Variants in SNX29 observed in about 807,000 individuals in gnomAD.
SNX29 encodes the protein sorting nexin 29.
A neutral mutation model predicts 102.1 loss-of-function variants in SNX29; 78 were observed. The observed-to-expected ratio is 0.76, with a 90% CI of 0.64 to 0.92. The LOEUF is 0.92. Ranked by LOEUF, SNX29 falls within the 40% of genes least tolerant of loss-of-function variation. SNX29 has a pLI of 0.00. For missense variants in SNX29, 1,280 were observed against 1,061.7 expected (o/e 1.21, Z -2.86); for synonymous variants, 580 against 414.5 (o/e 1.40, Z -4.85).
At chr16:12,568,197 C>T (rs1345836065) in intron 20 of SNX29, among the ~76,000 whole-genome samples, 1 of 151,738 alleles carries the variant, frequency 6.6e-6, no homozygotes, top group Non-Finnish European at 1.5e-5. Context: ...GGGAAGAAAG[C>T]TGTGCCTAGA....
chr16:12,473,189 G>T (rs1055751141), intron 18 of SNX29, among the ~76,000 whole-genome samples: 4 of 152,230 alleles, frequency 2.6e-5, no homozygotes, highest in Non-Finnish European at 5.9e-5. Flanking sequence ...ATTTAGTTAA[G>T]TATATGTAAT....
intron 19 of SNX29, among the ~76,000 whole-genome samples, chr16:12,511,810 T>C (rs2089634006): frequency 1.3e-5 from 2 of 151,904 alleles, no homozygotes; most frequent in East Asian, 2.0e-4. Context: ...TCGAAAGCAA[T>C]GGGGCTGAGC....
At chr16:12,075,551 T>A (rs2151324332) in intron 10 of SNX29, among the ~76,000 whole-genome samples, 1 of 152,290 alleles carries the variant, frequency 6.6e-6, no homozygotes, top group African/African-American at 2.4e-5. Context: ...TACCCAGCCG[T>A]GTGAGGTGTC....
intron 15 of SNX29, among the ~76,000 whole-genome samples, chr16:12,315,152 C>A (rs1211972515): frequency 1.3e-5 from 2 of 152,126 alleles, no homozygotes; most frequent in Admixed American, 6.5e-5. Context: ...AATGATAGAA[C>A]CCCTGGTGAC....
chr16:12,528,261 A>C (rs9927076), intron 20 of SNX29, among the ~76,000 whole-genome samples: 60,253 of 151,882 alleles, frequency 0.4, 13,645 homozygotes, highest in East Asian at 0.7. Context: ...GTGCAGTGGC[A>C]CAATCTTGGC....
At chr16:12,444,165 C>T (rs1189744602) in intron 18 of SNX29, among the ~76,000 whole-genome samples, 1 of 152,082 alleles carries the variant, frequency 6.6e-6, no homozygotes, top group African/African-American at 2.4e-5. Context: ...TAGCACCTAG[C>T]ATGTAATAAG....
At chr16:12,408,751 C>T (rs370647988) in intron 18 of SNX29, among the ~76,000 whole-genome samples, 2 of 152,118 alleles carry the variant, frequency 1.3e-5, no homozygotes, top group Admixed American at 6.6e-5. Context: ...ACCTGGGAGG[C>T]GGAGGTTGCA....
At chr16:12,520,461 G>A (rs867970799) in intron 19 of SNX29, among the ~76,000 whole-genome samples, 1 of 152,204 alleles carries the variant, frequency 6.6e-6, no homozygotes, top group Admixed American at 6.5e-5. Context: ...CTTTGTGCAA[G>A]TTCCTCACCT....
At chr16:12,511,297 G>C (rs528143130) in intron 19 of SNX29, among the ~76,000 whole-genome samples, 2 of 152,180 alleles carry the variant, frequency 1.3e-5, no homozygotes, top group African/African-American at 2.4e-5. Context: ...AACTCAAGCA[G>C]ACGTGGCTCT....
chr16:12,420,554 C>T lies in SNX29; in HGVS notation c.2037+17025C>T, dbSNP rs75312683. ...CTCAAGATGGAGTATGGTGTTGAGT[C>T]GACTGAAACCCGAGTTCACACCTGT... is the stretch of plus-strand genomic sequence containing the variant. On this transcript the variant is annotated intron_variant, in intron 18 of 20. Transcript: ENST00000566228. Among the ~76,000 whole-genome samples, 114 of 152,240 alleles carry T rather than the reference C, an allele frequency of 7.5e-4. 3 individuals carry two copies. The East Asian group carries it at 0.021, about 29-fold the overall frequency.
chr16:12,285,585 A>G (rs2079569549), intron 15 of SNX29, among the ~76,000 whole-genome samples: 1 of 152,198 alleles, frequency 6.6e-6, no homozygotes, highest in Non-Finnish European at 1.5e-5. Context: ...GATAACTGTG[A>G]ATGTGATCAT....
chr16:12,302,501 G>C (rs960983791), intron 15 of SNX29, among the ~76,000 whole-genome samples: 1 of 152,182 alleles, frequency 6.6e-6, no homozygotes, highest in African/African-American at 2.4e-5. Context: ...TCTGGTGAGG[G>C]CCCACTTTGT....
chr16:12,536,488 G>A (rs1052991181), intron 20 of SNX29, among the ~76,000 whole-genome samples: 4 of 152,144 alleles, frequency 2.6e-5, no homozygotes, highest in African/African-American at 9.7e-5. Context: ...CAGTGATCCT[G>A]GATTAGAACC....
intron 3 of SNX29, among the ~76,000 whole-genome samples, chr16:12,005,379 G>C (rs376254355): frequency 6.0e-4 from 90 of 150,304 alleles, no homozygotes; most frequent in East Asian, 3.1e-3. Flanking sequence ...ATGTGCATGA[G>C]TGTGTGTGTG....
chr16:12,543,646 T>C (rs954584926), intron 20 of SNX29, among the ~76,000 whole-genome samples: 1 of 152,130 alleles, frequency 6.6e-6, no homozygotes, highest in South Asian at 2.1e-4. Context: ...TGGTGCCGTC[T>C]GTCTCCAGAC....
chr16:12,435,015 G>A (rs575044261), intron 18 of SNX29, among the ~76,000 whole-genome samples: 17 of 152,284 alleles, frequency 1.1e-4, no homozygotes, highest in African/African-American at 3.9e-4. Flanking sequence ...GGAAGAGGCT[G>A]TGATCTGTGA....
intron 20 of SNX29, chr16:12,527,381 C>A (rs1222778965): frequency 2.0e-6 from 1 of 501,000 alleles, no homozygotes; most frequent in Non-Finnish European, 3.9e-6. Flanking sequence ...TAAAAATCTC[C>A]TGCCTAAGGA....
intron 14 of SNX29, among the ~76,000 whole-genome samples, chr16:12,202,983 G>T (rs879149606): frequency 6.6e-6 from 1 of 150,464 alleles, no homozygotes; most frequent in African/African-American, 2.4e-5. Context: ...GCATGGCCCC[G>T]CTGTCAGGTG....
chr16:12,427,711 G>C (rs1057349720), intron 18 of SNX29, among the ~76,000 whole-genome samples: 1 of 152,230 alleles, frequency 6.6e-6, no homozygotes, highest in African/African-American at 2.4e-5. Context: ...AGTGGGAAGA[G>C]GGTGCAGAGC....
Sources: gnomAD v4.1 joint callset for allele counts (sites outside exome capture counted in the v4.1 genomes callset) on GRCh38, gnomAD v4.1.1 for gene constraint, MANE v1.5 for transcripts, NCBI Gene and HGNC (gene_info 2026-07-23, HGNC 2026-07-21) for gene names.